Variants in CRYZL1 observed in about 807,000 individuals in gnomAD.
CRYZL1 encodes ferry endosomal RAB5 effector complex subunit 4.
In CRYZL1, 34 loss-of-function variants were observed where a neutral mutation model predicts 50.6. That is an observed-to-expected ratio of 0.67 (90% CI 0.51 to 0.89). The LOEUF is 0.89. Among genes scored for constraint, CRYZL1 ranks in the 40% least tolerant of loss-of-function variants. The pLI is 0.00. For synonymous variants in CRYZL1, 125 were observed against 134.3 expected (o/e 0.93, Z 0.48); for missense variants, 354 against 402.3 (o/e 0.88, Z 1.03).
At chr21:33,599,084 A>T (rs1484751757) in intron 9 of CRYZL1, 66 bp downstream of exon 9, 4 of 1,473,414 alleles carry the variant, frequency 2.7e-6, no homozygotes, top group South Asian at 2.4e-5. Context: ...CCCTGGTTAA[A>T]TTTTTTTTCT....
chr21:33,601,366 A>T (rs547677433), intron 8 of CRYZL1, among the ~76,000 whole-genome samples: 1 of 152,120 alleles, frequency 6.6e-6, no homozygotes, highest in Non-Finnish European at 1.5e-5. Flanking sequence ...AGTGGAAATA[A>T]TGTGAGCTTT....
intron 10 of CRYZL1, chr21:33,596,300 T>C (rs886670894): frequency 1.4e-5 from 3 of 211,364 alleles, no homozygotes; most frequent in Non-Finnish European, 3.1e-5. Context: ...TTTTGCTAAG[T>C]ATATGTCAAC....
chr21:33,631,158 C>A (rs1469393466), intron 2 of CRYZL1, among the ~76,000 whole-genome samples: 5 of 152,112 alleles, frequency 3.3e-5, no homozygotes, highest in Non-Finnish European at 5.9e-5. Context: ...AATGACACAA[C>A]AAAATGGCAA....
intron 6 of CRYZL1, among the ~76,000 whole-genome samples, chr21:33,612,405 G>C (rs1444061473): frequency 6.6e-6 from 1 of 151,822 alleles, no homozygotes; most frequent in Non-Finnish European, 1.5e-5. Context: ...TCCTGCCTCA[G>C]CCTCCCGAGT....
chr21:33,619,443 T>C (rs1401015649), intron 4 of CRYZL1, among the ~76,000 whole-genome samples: 4 of 152,284 alleles, frequency 2.6e-5, no homozygotes, highest in African/African-American at 7.2e-5. Flanking sequence ...ACCAAAGGTC[T>C]GGCCCTTGCC....
intron 9 of CRYZL1, among the ~76,000 whole-genome samples, chr21:33,598,361 C>G (rs1183447930): frequency 6.6e-6 from 1 of 152,198 alleles, no homozygotes; most frequent in East Asian, 1.9e-4. Context: ...CCATATTCAT[C>G]CATGATTCTC....
intron 1 of CRYZL1, among the ~76,000 whole-genome samples, chr21:33,638,980 A>G (rs1006452191): frequency 1.3e-5 from 2 of 152,244 alleles, no homozygotes; most frequent in Non-Finnish European, 2.9e-5. Flanking sequence ...TTATCAAGGC[A>G]TATTCGATTG....
At chr21:33,595,877 T>A in intron 10 of CRYZL1, 41 bp from the exon 11 acceptor site, 1 of 1,344,690 alleles carries the variant, frequency 7.4e-7, no homozygotes, top group South Asian at 1.2e-5. Context: ...TTATTGTGAG[T>A]TTAACAGCAG....
chr21:33,598,727 C>T (rs113369008), intron 9 of CRYZL1, among the ~76,000 whole-genome samples: 279 of 152,040 alleles, frequency 1.8e-3, no homozygotes, highest in Non-Finnish European at 3.2e-3. Context: ...TTGTCCAACT[C>T]GCAGCCTGCC....
chr21:33,603,305 A>C, intron 7 of CRYZL1, 99 bp downstream of exon 7: 1 of 1,424,326 alleles, frequency 7.0e-7, no homozygotes, highest in Non-Finnish European at 9.6e-7. Context: ...TCAATAAGCT[A>C]TTGGCAAAGA....
intron 2 of CRYZL1, among the ~76,000 whole-genome samples, chr21:33,626,373 T>C (rs928915646): frequency 1.3e-5 from 2 of 152,204 alleles, no homozygotes; most frequent in Non-Finnish European, 2.9e-5. Context: ...TTGAACCTAA[T>C]TATCCCTCAG....
chr21:33,591,084 CAAA>C, intron 12 of CRYZL1, 75 bp downstream of exon 12: 2 of 1,043,398 alleles, frequency 1.9e-6, no homozygotes, highest in Non-Finnish European at 3.0e-6. Context: ...AGAGCTAAAA[CAAA>C]AGTGGGACTG....
intron 5 of CRYZL1, chr21:33,616,318 G>A: frequency 6.5e-6 from 1 of 153,966 alleles, no homozygotes. Context: ...TTGAGATGGA[G>A]TTTCATTCTT....
chr21:33,631,367 G>A lies in CRYZL1; in HGVS notation c.66+119C>T, dbSNP rs2087135313. On this transcript the variant is annotated intron_variant, in intron 2 of 12. Transcript: ENST00000381554. The stretch of plus-strand genomic sequence containing the variant: ...TTTAAAGGAAAGTACTGTAATTTGA[G>A]GAGTTTCATTTGAGTAATTTTGTTC... The A allele has an allele frequency of 6.7e-6, 4 of 593,828 alleles. No individual in the cohort carries two copies. The South Asian group carries it at 1.0e-4, about 15-fold the overall frequency. 36.8% of individuals were successfully genotyped at this position (593,828 alleles called of 1,614,324 possible).
chr21:33,630,748 G>A lies in CRYZL1; in HGVS notation c.66+738C>T, dbSNP rs575211261. ...GCAAAGATATGGAATCAACCTAAGCGTCCATCAACAAATGAATGGGTAAAG... is the reference window on the plus strand; with the variant it reads ...GCAAAGATATGGAATCAACCTAAGCATCCATCAACAAATGAATGGGTAAAG... On this transcript the variant is annotated intron_variant, in intron 2 of 12. Transcript: ENST00000381554. Among the ~76,000 whole-genome samples the A allele has an allele frequency of 4.6e-5, 7 of 152,202 alleles. No individual in the cohort carries two copies. The South Asian group carries it at 6.2e-4, about 14-fold the overall frequency.
At chr21:33,598,882 T>C (rs1377707414) in intron 9 of CRYZL1, among the ~76,000 whole-genome samples, 1 of 151,976 alleles carries the variant, frequency 6.6e-6, no homozygotes, top group Non-Finnish European at 1.5e-5. Context: ...ACAATTCTTC[T>C]TCCAATGTGG....
chr21:33,636,159 A>G (rs2087204441), intron 1 of CRYZL1, among the ~76,000 whole-genome samples: 1 of 152,042 alleles, frequency 6.6e-6, no homozygotes, highest in Admixed American at 6.6e-5. Flanking sequence ...ATTTGGGAGG[A>G]GGCTGGGGTA....
At chr21:33,613,837 A>G (rs1236289639) in intron 5 of CRYZL1, among the ~76,000 whole-genome samples, 1 of 152,162 alleles carries the variant, frequency 6.6e-6, no homozygotes, top group Non-Finnish European at 1.5e-5. Flanking sequence ...ATGTTATAGA[A>G]CAAAGTCAGA....
At chr21:33,637,371 G>C (rs2087220103) in intron 1 of CRYZL1, among the ~76,000 whole-genome samples, 1 of 150,880 alleles carries the variant, frequency 6.6e-6, no homozygotes, top group South Asian at 2.1e-4. Context: ...CATGAATCCG[G>C]AAGGCGGAGC....
Sources: gnomAD v4.1 joint callset for allele counts (sites outside exome capture counted in the v4.1 genomes callset) on GRCh38, gnomAD v4.1.1 for gene constraint, MANE v1.5 for transcripts, NCBI Gene and HGNC (gene_info 2026-07-23, HGNC 2026-07-21) for gene names.